Variants in RECQL4 observed in about 807,000 individuals in gnomAD.
The protein encoded by RECQL4 is ATP-dependent DNA helicase Q4.
Under a neutral mutation model 128.6 loss-of-function variants are expected in RECQL4, and 158 were observed. The observed-to-expected ratio is 1.23, with a 90% CI of 1.08 to 1.40. The LOEUF is 1.40. Ranked by LOEUF, RECQL4 falls within the 40% of genes most tolerant of loss-of-function variation. The pLI is 0.00. For synonymous variants in RECQL4, 996 were observed against 678.9 expected, an observed-to-expected ratio of 1.47 and a Z score of -7.26; for missense variants, 2,293 against 1,649.8, an observed-to-expected ratio of 1.39 and a Z score of -6.75.
chr8:144,511,504 C>G lies in RECQL4; in HGVS notation c.3554G>C (p.Arg1185Thr), dbSNP rs774756135. The change falls in exon 21 of 21, where the codon AGA (arginine) becomes ACA (threonine). Residue 1185 changes from arginine (R) to threonine (T), a missense_variant. Coordinates refer to ENST00000617875, the MANE Select transcript of RECQL4 (RefSeq NM_004260.4). ...QVYGQDRRFW[R>T]KYLHLSFHAL... is the part of the protein sequence containing the mutation. ...ATGGAAGCTCAGGTGCAGGTATTTT[C>G]TCCAGAAGCGTCGGTCCTGCCCGTA... is the stretch of plus-strand genomic sequence containing the variant. The G allele has an allele frequency of 5.0e-6, 8 of 1,612,498 alleles. No individual in the cohort carries two copies. The highest frequency in any genetic ancestry group is 3.3e-4 in the Middle Eastern group (2 of 6,082).
At chr8:144,517,295 T>C (rs1243063841) in intron 3 of RECQL4, 105 bp from the exon 4 acceptor site, 10 of 1,497,864 alleles carry the variant, frequency 6.7e-6, no homozygotes, top group Admixed American at 4.1e-5. Flanking sequence ...CCTTCTTCAC[T>C]TTGCCCAGTC....
rs1060501367 is a variant in RECQL4, at chr8:144,517,696, C to G, written c.84+5G>C. 7.8e-6 allele frequency: 11 copies of G among 1,414,122 alleles called. No homozygotes were observed. The highest frequency in any genetic ancestry group is 9.2e-6 in the Non-Finnish European group (10 of 1,087,166). The allele number at this position is 1,414,122 out of a possible 1,614,324, so 87.6% of individuals were successfully genotyped here. ...TCAGCCCCTCGGCCCCTGGGCAGCC[C>G]GCACCTGGCTCGGTCGCCGCCCGCG... On this transcript the variant is annotated splice_donor_5th_base_variant and intron_variant, in intron 1 of 20. Transcript: ENST00000617875.
rs1268307700 is a variant in RECQL4 at position 144,517,491 on chromosome 8, G to A, written c.136C>T (p.Arg46Cys). The change falls in exon 3 of 21, where the codon CGC becomes TGC. Residue 46 changes from arginine (R) to cysteine (C), a missense_variant. By Grantham distance (180) the Arg-to-Cys change is radical. Transcript: ENST00000617875. The part of the protein sequence containing the change: ...EETRALYREY[R>C]TLKRTTGQAG... ...TGGCCCGTGGTACGCTTCAGAGTGC[G>A]GTATTCCCGGTAGAGCGCTGCGTGG... 6.3e-7 allele frequency: 1 copy of A among 1,596,654 alleles called. No individual in the cohort carries two copies. Among genetic ancestry groups the A allele is most frequent in the Non-Finnish European group, 8.5e-7 (1 of 1,176,118 alleles).
rs769367312 is a variant in RECQL4 at position 144,512,161 on chromosome 8, G to C, written c.3219C>G (p.Thr1073=). Residue 1073 remains threonine (T), a synonymous_variant, in exon 18 of 21, where the codon ACC becomes ACG. Coordinates refer to ENST00000617875, the MANE Select transcript of RECQL4 (RefSeq NM_004260.4). ...CTCCCAACCTGTGAAAGGCCTGGAA[G>C]GTTCTGCGCAGACGGGCCAGGGCCT... The part of the protein sequence containing the change: ...ERQALARLRR[T]FQAFHSVAFP... The C allele has an allele frequency of 6.6e-5, 106 of 1,609,684 alleles. No homozygotes were observed. Among genetic ancestry groups the C allele is most frequent in the Non-Finnish European group, 8.7e-5 (103 of 1,178,482 alleles).
Position 144,516,762 on chromosome 8 carries a change from G to A in RECQL4, c.357C>T (p.Ala119=), listed in dbSNP as rs758460596. The change falls in exon 5 of 21, where the codon GCC becomes GCT. Residue 119 remains alanine (A), a splice_region_variant and synonymous_variant. Coordinates refer to ENST00000617875, the MANE Select transcript of RECQL4 (RefSeq NM_004260.4). ...ACGGTCTGCGGCCCAGGGCTGGTCC[G>A]GCCTGGGAGGGGAACAACAGAACAG... ...LKANLKGTLQ[A]GPALGRRPWP... The A allele has an allele frequency of 1.1e-5, 16 of 1,519,372 alleles. No individual in the cohort carries two copies. The highest frequency in any genetic ancestry group is 7.0e-5 in the African/African-American group (5 of 71,748). The allele number at this position is 1,519,372 out of a possible 1,614,324, so 94.1% of individuals were successfully genotyped here. A position where few individuals can be genotyped will look rare whatever the true frequency, so the allele number is the denominator to read the frequency against.
chr8:144,514,008 C>T lies in RECQL4; in HGVS notation c.1978G>A (p.Glu660Lys), dbSNP rs1035926081. Residue 660 changes from glutamate (E) to lysine (K), a missense_variant, in exon 12 of 21, where the codon GAA (glutamate) becomes AAA (lysine). Transcript: ENST00000617875. ...SDVAQHLAVA[E>K]EPDLHGPAPV... Reference sequence around the variant, plus strand: ...GCTGGCCCGTGGAGGTCAGGCTCTTCAGCCACAGCCAGGTGCTGTGCCACG... The same window carrying T: ...GCTGGCCCGTGGAGGTCAGGCTCTTTAGCCACAGCCAGGTGCTGTGCCACG... 8.3e-6 allele frequency: 13 copies of T among 1,569,200 alleles called. No homozygotes were observed. Among genetic ancestry groups the T allele is most frequent in the African/African-American group, 5.4e-5 (4 of 73,698 alleles).
chr8:144,517,196 G>A lies in RECQL4; in HGVS notation c.214-6C>T, dbSNP rs1564810891. 3.8e-6 allele frequency: 6 copies of A among 1,594,016 alleles called. No homozygotes were observed. In the South Asian group the frequency reaches 5.6e-5, roughly 15 times the overall value. On this transcript the variant is annotated splice_region_variant and splice_polypyrimidine_tract_variant and intron_variant, in intron 3 of 20. Coordinates refer to ENST00000617875, the MANE Select transcript of RECQL4 (RefSeq NM_004260.4). ...CAGCAGCGGGGCTCTGGCGCCTGCA[G>A]GAGACAACAGGGGCACAGGCCAGAA...
rs1319295020 is a variant in RECQL4, at chr8:144,512,157, G to A, written c.3223C>T (p.Gln1075Ter). 12 of 1,609,458 alleles carry A rather than the reference G, an allele frequency of 7.5e-6. No individual in the cohort carries two copies. Among genetic ancestry groups the A allele is most frequent in the Non-Finnish European group, 1.0e-5 (12 of 1,178,318 alleles). Residue 1075 changes from glutamine to a stop codon, truncating the protein, a stop_gained, in exon 18 of 21, where the codon CAG (glutamine) becomes TAG (stop). Transcript: ENST00000617875. LOFTEE classifies it high-confidence loss of function. ...CCTCCTCCCAACCTGTGAAAGGCCTGGAAGGTTCTGCGCAGACGGGCCAGG... is the reference window on the plus strand; with the variant it reads ...CCTCCTCCCAACCTGTGAAAGGCCTAGAAGGTTCTGCGCAGACGGGCCAGG... ...QALARLRRTF[Q>*]AFHSVAFPSC...
At position 144,511,985 on chromosome 8, in the gene RECQL4, AG is replaced by A; in HGVS notation, c.3318del (p.Tyr1107ThrfsTer43). On this transcript the variant is annotated frameshift_variant, in exon 19 of 21. Transcript: ENST00000617875. LOFTEE classifies it high-confidence loss of function. ...RSTRLKDLLG[R>X]YFEEEEGQEP... ...TCCTGCCCTTCCTCTTCCTCAAAGT[AG>A]CGGCCGAGCAGGTCCTTGAGCCTGG... 1 of 1,611,038 alleles carries A rather than the reference AG, an allele frequency of 6.2e-7. No homozygotes were observed. The highest frequency in any genetic ancestry group is 8.5e-7 in the Non-Finnish European group (1 of 1,179,506).
rs760733547 is a variant in RECQL4 at position 144,516,444 on chromosome 8, C to T, written c.675G>A (p.Ser225=). 41 of 1,608,756 alleles carry T rather than the reference C, an allele frequency of 2.5e-5. No homozygotes were observed. Among genetic ancestry groups the T allele is most frequent in the Admixed American group, 6.7e-5 (4 of 59,958 alleles). The change falls in exon 5 of 21, where the codon TCG becomes TCA. Residue 225 remains serine, a synonymous_variant. Coordinates refer to ENST00000617875, the MANE Select transcript of RECQL4 (RefSeq NM_004260.4). The part of the protein sequence containing the change: ...EESQLLIPGE[S]AVLGPGAGSQ... ...AGCCAGCACCAGGACCAAGGACAGCCGACTCACCAGGGATCAGAAGTTGTG... is the reference window on the plus strand; with the variant it reads ...AGCCAGCACCAGGACCAAGGACAGCTGACTCACCAGGGATCAGAAGTTGTG...
intron 15 of RECQL4, 37 bp downstream of exon 15, chr8:144,512,810 C>T (rs1827499073): frequency 2.5e-6 from 4 of 1,609,354 alleles, no homozygotes; most frequent in African/African-American, 2.7e-5. Context: ...CGGGGACAGC[C>T]CCTCCACACC....
In RECQL4 at chr8:144,516,340, T is replaced by A; in HGVS notation, c.779A>T (p.Glu260Val). The A allele has an allele frequency of 6.2e-7, 1 of 1,609,840 alleles. No homozygotes were observed. ...GGGCTCCTCGTTCCATCTCCGCTTC[T>A]CGCCTCCACTGCTGCTGGGCTGGGG... ...GSPQPSSSGG[E>V]KRRWNEEPWE... Residue 260 changes from glutamate (E) to valine (V), a missense_variant, in exon 5 of 21, where the codon GAG becomes GTG. Glu to Val is a moderately radical substitution (Grantham distance 121, BLOSUM62 -2). Transcript: ENST00000617875.
chr8:144,516,481 C>T lies in RECQL4; in HGVS notation c.638G>A (p.Gly213Asp), dbSNP rs1483707476. Reference protein sequence around the residue: ...GAPKACRPDLGSEESQLLIPG... With the variant: ...GAPKACRPDLDSEESQLLIPG... ...GATCAGAAGTTGTGATTCCTCTGAG[C>T]CTAGATCAGGCCTGCAGGCTTTGGG... The change falls in exon 5 of 21, where the codon GGC (glycine) becomes GAC (aspartate). Residue 213 changes from glycine (G) to aspartate (D), a missense_variant. Transcript: ENST00000617875. 1 of 1,608,602 alleles carries T rather than the reference C, an allele frequency of 6.2e-7. No individual in the cohort carries two copies. Among genetic ancestry groups the T allele is most frequent in the East Asian group, 2.2e-5 (1 of 44,890 alleles).
rs1427556033 is a variant in RECQL4 at position 144,517,501 on chromosome 8, G to A, written c.126C>T (p.Tyr42=). The part of the protein sequence containing the change: ...EAAPEETRAL[Y]REYRTLKRTT... ...TACGCTTCAGAGTGCGGTATTCCCG[G>A]TAGAGCGCTGCGTGGGCGAGCGGGA... Residue 42 remains tyrosine, a synonymous_variant, in exon 3 of 21, where the codon TAC becomes TAT. Transcript: ENST00000617875. The A allele has an allele frequency of 1.9e-6, 3 of 1,592,212 alleles. No individual in the cohort carries two copies. Among genetic ancestry groups the A allele is most frequent in the Admixed American group, 3.4e-5 (2 of 58,608 alleles).
chr8:144,515,283 C>T (rs780680015), intron 7 of RECQL4, 41 bp from the exon 8 acceptor site: 7 of 1,610,192 alleles, frequency 4.3e-6, no homozygotes, highest in Non-Finnish European at 4.2e-6. Flanking sequence ...TGAGTCACCC[C>T]AACCCCTCAG....
At position 144,514,472 on chromosome 8, in the gene RECQL4, G is replaced by T. The variant is rs1328875137; in HGVS notation, c.1674C>A (p.Thr558=). The T allele has an allele frequency of 6.2e-7, 1 of 1,612,218 alleles. No individual in the cohort carries two copies. The highest frequency in any genetic ancestry group is 1.3e-5 in the African/African-American group (1 of 74,914). The change falls in exon 10 of 21, where the codon ACC becomes ACA. Residue 558 remains threonine (T), a synonymous_variant. Coordinates refer to ENST00000617875, the MANE Select transcript of RECQL4 (RefSeq NM_004260.4). ...GCAGGACAGATTCCCGTTGCTTCCT[G>T]GTCATGCCCGAGTGTATGCAGGCCG... ...LKAACIHSGM[T]RKQRESVLQK...
rs761422037 is a variant in RECQL4, at chr8:144,513,686, T to C, written c.2085A>G (p.Lys695=). Reference sequence around the variant, plus strand: ...TAATGGAATCGAGGTTTTGAAAACGTTTGCCTTGCAGCAGCGTCAACAGTG... The same window carrying C: ...TAATGGAATCGAGGTTTTGAAAACGCTTGCCTTGCAGCAGCGTCAACAGTG... ...DQALLTLLQG[K]RFQNLDSIII... Residue 695 remains lysine, a synonymous_variant, in exon 13 of 21, where the codon AAA becomes AAG. Coordinates refer to ENST00000617875, the MANE Select transcript of RECQL4 (RefSeq NM_004260.4). 1.1e-5 allele frequency: 17 copies of C among 1,549,316 alleles called. No individual in the cohort carries two copies. The South Asian group carries it at 2.0e-4, about 18-fold the overall frequency.
chr8:144,511,652 T>G, intron 20 of RECQL4, 29 bp downstream of exon 20: 1 of 1,607,756 alleles, frequency 6.2e-7, no homozygotes, highest in Non-Finnish European at 8.5e-7. Flanking sequence ...AGCCCCAGCC[T>G]GCAGCGGGTG....
rs563366558 is a variant in RECQL4, at chr8:144,514,511, T to C, written c.1635A>G (p.Pro545=). 6 of 1,611,526 alleles carry C rather than the reference T, an allele frequency of 3.7e-6. No individual in the cohort carries two copies. The African/African-American group carries it at 4.0e-5, about 11-fold the overall frequency. Residue 545 remains proline, a synonymous_variant, in exon 10 of 21, where the codon CCA becomes CCG. Coordinates refer to ENST00000617875, the MANE Select transcript of RECQL4 (RefSeq NM_004260.4). The part of the protein sequence containing the change: ...SLMDDQVSGL[P]PCLKAACIHS... ...GTATGCAGGCCGCCTTGAGACACGGTGGCAGGCCAGACACCTGCAAATGCA... is the reference window on the plus strand; with the variant it reads ...GTATGCAGGCCGCCTTGAGACACGGCGGCAGGCCAGACACCTGCAAATGCA...
Sources: allele counts gnomAD v4.1 joint callset, GRCh38; gene constraint gnomAD v4.1.1; transcripts MANE v1.5; gene names NCBI Gene and HGNC (gene_info 2026-07-23, HGNC 2026-07-21).